Variants in EPHA4 observed in about 807,000 individuals in gnomAD.
The protein encoded by EPHA4 is EPH receptor A4, also known as ephrin type-A receptor 4.
Under a neutral mutation model 108.3 loss-of-function variants are expected in EPHA4, and 19 were observed. That is an observed-to-expected ratio of 0.18 (90% CI 0.12 to 0.26). The LOEUF (loss-of-function observed/expected upper bound fraction) is 0.26, where lower values mean the gene tolerates loss of function less well. Ranked by LOEUF, EPHA4 falls within the 10% of genes least tolerant of loss-of-function variation. The probability of loss-of-function intolerance (pLI) is 1.00; values close to 1 mark genes in which losing one functional copy is unlikely to be tolerated. For synonymous variants in EPHA4, 449 were observed against 455.5 expected (o/e 0.99, Z 0.18); for missense variants, 917 against 1,254.0 (o/e 0.73, Z 4.06).
chr2:221,510,729 T>C (rs533394968), intron 3 of EPHA4, among the ~76,000 whole-genome samples: 1 of 152,162 alleles, frequency 6.6e-6, no homozygotes. Flanking sequence ...ACAAAAAGAA[T>C]GCAGTGGGGG....
intron 17 of EPHA4, among the ~76,000 whole-genome samples, chr2:221,421,223 C>T (rs1030638524): frequency 2.0e-5 from 3 of 151,900 alleles, no homozygotes; most frequent in Non-Finnish European, 4.4e-5. Context: ...TGGCGTGAAC[C>T]TGGGAGGCGG....
Position 221,519,485 on chromosome 2 carries a change from G to T in EPHA4, c.824-18313C>A, listed in dbSNP as rs1323040270. On this transcript the variant is annotated intron_variant, in intron 3 of 17. Transcript: ENST00000281821. ...GGAGCCAGGTTGAGATGAGAAAGGG[G>T]CAATTAACAGTGAGAAAACCCAGTT... Among the ~76,000 whole-genome samples, 3 of 152,156 alleles carry T rather than the reference G, an allele frequency of 2.0e-5. No individual in the cohort carries two copies. In the East Asian group the frequency reaches 5.8e-4, roughly 29 times the overall value.
At chr2:221,423,816 T>C (rs930453728) in intron 17 of EPHA4, among the ~76,000 whole-genome samples, 1 of 151,928 alleles carries the variant, frequency 6.6e-6, no homozygotes, top group African/African-American at 2.4e-5. Context: ...ATTCTGTTGT[T>C]AGTTAAAATA....
rs193057640 is a variant in EPHA4, at chr2:221,499,670, T to C, written c.979+1347A>G. Among the ~76,000 whole-genome samples, 437 of 138,264 alleles carry C rather than the reference T, an allele frequency of 3.2e-3. 5 individuals are homozygous for C. Among genetic ancestry groups the C allele is most frequent in the African/African-American group, 0.011 (423 of 37,272 alleles). 90.7% of individuals were successfully genotyped at this position (138,264 alleles called of 152,430 possible). A position where few individuals can be genotyped will look rare whatever the true frequency, so the allele number is the denominator to read the frequency against. ...AGATTGGCCAAAATACCATTTATAG[T>C]AGTTAGGAAACAAAATAATAATAGT... On this transcript the variant is annotated intron_variant, in intron 4 of 17. Coordinates refer to ENST00000281821, the MANE Select transcript of EPHA4 (RefSeq NM_004438.5).
intron 3 of EPHA4, chr2:221,532,922 G>A (rs766456171): frequency 6.6e-6 from 1 of 152,264 alleles, no homozygotes; most frequent in Non-Finnish European, 1.5e-5. Context: ...TTTACTACCA[G>A]GCTCTGAGTG....
chr2:221,554,829 C>A (rs184126460), intron 3 of EPHA4, among the ~76,000 whole-genome samples: 2 of 152,296 alleles, frequency 1.3e-5, no homozygotes, highest in East Asian at 3.9e-4. Context: ...TCACTGATGG[C>A]ATGAATGGAC....
chr2:221,457,067 TA>T (rs1690980060), intron 6 of EPHA4, among the ~76,000 whole-genome samples: 1 of 152,184 alleles, frequency 6.6e-6, no homozygotes, highest in South Asian at 2.1e-4. Flanking sequence ...GTGGCTTTTC[TA>T]GTTCCACACC....
At chr2:221,500,852 C>T (rs1692465372) in intron 4 of EPHA4, among the ~76,000 whole-genome samples, 165 bp downstream of exon 4, 1 of 152,132 alleles carries the variant, frequency 6.6e-6, no homozygotes, top group South Asian at 2.1e-4. Context: ...TGGGAAAGAC[C>T]CTTTCTTTTT....
intron 4 of EPHA4, among the ~76,000 whole-genome samples, chr2:221,485,506 A>G (rs189883301): frequency 6.6e-6 from 1 of 152,180 alleles, no homozygotes; most frequent in East Asian, 1.9e-4. Context: ...TTGTGGGGAC[A>G]CTGTCGCTGC....
rs1361417834 is a variant in EPHA4, at chr2:221,515,946, C to T, written c.824-14774G>A. ...TGAGGCAGGATCATTTCTAAAGAGG[C>T]TCAGATTTGAAGGGAAAAAAAAAAA... On this transcript the variant is annotated intron_variant, in intron 3 of 17. Transcript: ENST00000281821. Among the ~76,000 whole-genome samples the T allele has an allele frequency of 3.7e-5, 5 of 134,422 alleles. No individual in the cohort carries two copies. In the Admixed American group the frequency reaches 3.8e-4, roughly 10 times the overall value. 88.2% of individuals were successfully genotyped at this position (134,422 alleles called of 152,430 possible).
At chr2:221,431,930 T>A (rs1289125051) in intron 14 of EPHA4, among the ~76,000 whole-genome samples, 7 of 152,190 alleles carry the variant, frequency 4.6e-5, no homozygotes, top group Admixed American at 1.3e-4. Flanking sequence ...ATTTACCATA[T>A]GCCAAATTAA....
intron 8 of EPHA4, among the ~76,000 whole-genome samples, chr2:221,454,408 G>A (rs1313349580): frequency 1.3e-5 from 2 of 152,206 alleles, no homozygotes; most frequent in Admixed American, 6.5e-5. Flanking sequence ...GCCAAGCACA[G>A]CTACTGGTGG....
chr2:221,519,841 C>G (rs1378970199), intron 3 of EPHA4, among the ~76,000 whole-genome samples: 1 of 152,104 alleles, frequency 6.6e-6, no homozygotes, highest in East Asian at 1.9e-4. Context: ...AAATGCAAGG[C>G]AAAGAAGCAT....
chr2:221,524,734 G>A (rs1026720913), intron 3 of EPHA4, among the ~76,000 whole-genome samples: 4 of 152,046 alleles, frequency 2.6e-5, no homozygotes, highest in African/African-American at 4.8e-5. Flanking sequence ...AACATCTCAC[G>A]TCTCCATTTA....
In EPHA4 at chr2:221,563,661, T is replaced by G. The variant is rs191168634; in HGVS notation, c.823+70A>C. 3 of 1,541,180 alleles carry G rather than the reference T, an allele frequency of 1.9e-6. No homozygotes were observed. The African/African-American group carries it at 4.1e-5, about 21-fold the overall frequency. ...CTACTAATTACTGGCTTTACTCCAT[T>G]TAGTCTCATCTCTGATTTAATTACT... On this transcript the variant is annotated intron_variant, in intron 3 of 17. Coordinates refer to ENST00000281821, the MANE Select transcript of EPHA4 (RefSeq NM_004438.5).
At chr2:221,508,859 T>C (rs1307091668) in intron 3 of EPHA4, among the ~76,000 whole-genome samples, 4 of 151,718 alleles carry the variant, frequency 2.6e-5, no homozygotes, top group African/African-American at 9.7e-5. Context: ...TAAGTAGTTA[T>C]CCTCTCACAT....
rs762833404 is a variant in EPHA4, at chr2:221,429,952, G to A, written c.2690+6C>T. The A allele has an allele frequency of 6.2e-7, 1 of 1,613,632 alleles. No homozygotes were observed. Among genetic ancestry groups the A allele is most frequent in the Admixed American group, 1.7e-5 (1 of 59,964 alleles). ...CATACATCACTATTAAGTAAGCATG[G>A]CTGACCTGGAGCTCTCCGTCCCTGT... is the stretch of plus-strand genomic sequence containing the variant. On this transcript the variant is annotated splice_donor_region_variant and intron_variant, in intron 15 of 17. Transcript: ENST00000281821.
chr2:221,482,811 A>C (rs1310719909), intron 4 of EPHA4, 121 bp from the exon 5 acceptor site: 1 of 839,734 alleles, frequency 1.2e-6, no homozygotes, highest in Non-Finnish European at 1.8e-6. Flanking sequence ...CAAAGAAAGC[A>C]AAAAGCAAAT....
At chr2:221,424,855 G>A (rs1275041116) in intron 17 of EPHA4, among the ~76,000 whole-genome samples, 1 of 152,172 alleles carries the variant, frequency 6.6e-6, no homozygotes, top group Non-Finnish European at 1.5e-5. Flanking sequence ...GCTGCCTGGT[G>A]CCCAGAAGAT....
Sources: allele counts gnomAD v4.1 joint callset (sites outside exome capture counted in the v4.1 genomes callset), GRCh38; gene constraint gnomAD v4.1.1; transcripts MANE v1.5; gene names NCBI Gene and HGNC (gene_info 2026-07-23, HGNC 2026-07-21).